The following DOCK3 variants were observed in gnomAD, a reference collection of about 807,000 sequenced individuals.
DOCK3 encodes the protein dedicator of cytokinesis protein 3.
Under a neutral mutation model 265.6 loss-of-function variants are expected in DOCK3, and 60 were observed. The ratio of observed to expected loss-of-function variants is 0.23; its 90% CI spans 0.18 to 0.28. The LOEUF is 0.28. Ranked by LOEUF, DOCK3 falls within the 10% of genes least tolerant of loss-of-function variation. DOCK3 has a pLI of 1.00. For missense variants in DOCK3, 1,981 were observed against 2,594.3 expected (o/e 0.76, Z 5.14); for synonymous variants, 881 against 938.0 (o/e 0.94, Z 1.11).
At chr3:51,032,171 A>C (rs1043737567) in intron 5 of DOCK3, among the ~76,000 whole-genome samples, 2 of 150,728 alleles carry the variant, frequency 1.3e-5, no homozygotes, top group African/African-American at 4.9e-5. Flanking sequence ...AATTCCAAGA[A>C]TCTCTACTTT....
At chr3:51,358,204 G>C in intron 46 of DOCK3, 127 bp downstream of exon 46, 1 of 863,918 alleles carries the variant, frequency 1.2e-6, no homozygotes, top group South Asian at 1.6e-5. Flanking sequence ...GGGGAGAGAG[G>C]CTGTCCTCCC....
At chr3:51,068,397 G>A (rs1055716535) in intron 6 of DOCK3, among the ~76,000 whole-genome samples, 24 of 152,032 alleles carry the variant, frequency 1.6e-4, no homozygotes, top group Admixed American at 1.5e-3. Context: ...AAAATTAGCC[G>A]GGCGTGGTGG....
intron 27 of DOCK3, 107 bp from the exon 28 acceptor site, chr3:51,310,125 T>C: frequency 1.2e-6 from 1 of 822,720 alleles, no homozygotes; most frequent in Middle Eastern, 2.9e-4. Context: ...CAGATCTAAC[T>C]CACTGGTCCC....
chr3:50,681,761 C>G (rs2034431806), intron 1 of DOCK3, among the ~76,000 whole-genome samples: 1 of 152,230 alleles, frequency 6.6e-6, no homozygotes. Flanking sequence ...CATCCTCCTA[C>G]TTTAATATGA....
intron 2 of DOCK3, among the ~76,000 whole-genome samples, chr3:50,798,103 G>A (rs1454180916): frequency 6.6e-6 from 1 of 152,146 alleles, no homozygotes; most frequent in Non-Finnish European, 1.5e-5. Flanking sequence ...ATAGCTGTTA[G>A]GTAGAAAGTA....
chr3:50,990,022 A>G (rs1215415739), intron 5 of DOCK3, among the ~76,000 whole-genome samples: 2 of 152,230 alleles, frequency 1.3e-5, no homozygotes, highest in Middle Eastern at 3.2e-3. Flanking sequence ...ACAAGTATTA[A>G]TAGCAGAATG....
In DOCK3 at chr3:50,970,948, ATGTG is replaced by A. The variant is rs71637577; in HGVS notation, c.315+36887_315+36890del. The stretch of plus-strand genomic sequence containing the variant: ...ATATATATATATATATATATATATA[ATGTG>A]TGTGTGTGTGTGTGTATATATATAT... On this transcript the variant is annotated intron_variant, in intron 5 of 52. Transcript: ENST00000266037. Among the ~76,000 whole-genome samples the A allele has an allele frequency of 7.0e-4, 36 of 51,758 alleles. No homozygotes were observed. The East Asian group carries it at 0.022, about 31-fold the overall frequency. The allele number at this position is 51,758 out of a possible 152,430, so 34.0% of individuals were successfully genotyped here.
At chr3:50,719,524 C>A in intron 1 of DOCK3, 1 of 1,072,172 alleles carries the variant, frequency 9.3e-7, no homozygotes, top group East Asian at 2.4e-5. Context: ...TCTCACTGGT[C>A]TTGCCGTTTC....
At chr3:50,998,142 G>T (rs1369451135) in intron 5 of DOCK3, among the ~76,000 whole-genome samples, 2 of 152,148 alleles carry the variant, frequency 1.3e-5, no homozygotes, top group African/African-American at 4.8e-5. Context: ...CAAAGGAACT[G>T]AAACTTAGGT....
chr3:51,037,864 A>G (rs2080330887), intron 5 of DOCK3, among the ~76,000 whole-genome samples: 1 of 152,218 alleles, frequency 6.6e-6, no homozygotes, highest in African/African-American at 2.4e-5. Context: ...TAGAAAGAGA[A>G]TGCAGCCTAC....
At chr3:51,303,789 C>T (rs2082491598) in intron 27 of DOCK3, among the ~76,000 whole-genome samples, 2 of 152,222 alleles carry the variant, frequency 1.3e-5, no homozygotes, top group Admixed American at 6.5e-5. Flanking sequence ...CTGCTTCTTC[C>T]TCTGAGATCT....
intron 1 of DOCK3, among the ~76,000 whole-genome samples, chr3:50,717,872 A>G (rs1280116598): frequency 6.6e-6 from 1 of 152,058 alleles, no homozygotes; most frequent in African/African-American, 2.4e-5. Flanking sequence ...TGATCCGCCC[A>G]CTTCAGCCTC....
chr3:50,872,033 T>G (rs1184329933), intron 3 of DOCK3, among the ~76,000 whole-genome samples: 1 of 152,256 alleles, frequency 6.6e-6, no homozygotes, highest in Non-Finnish European at 1.5e-5. Context: ...TAGATTTGGT[T>G]CCTGGTGCCT....
chr3:50,824,521 A>G (rs1372241561), intron 2 of DOCK3, among the ~76,000 whole-genome samples: 1 of 152,198 alleles, frequency 6.6e-6, no homozygotes, highest in Non-Finnish European at 1.5e-5. Flanking sequence ...TAAGTCTCTC[A>G]TGGCCTTTGA....
intron 1 of DOCK3, among the ~76,000 whole-genome samples, chr3:50,744,001 A>G (rs2039257575): frequency 1.3e-5 from 2 of 152,188 alleles, no homozygotes; most frequent in South Asian, 4.1e-4. Context: ...TATGTGAAGT[A>G]GTATTTTGTG....
At chr3:50,863,767 T>A (rs896234008) in intron 3 of DOCK3, among the ~76,000 whole-genome samples, 1 of 152,234 alleles carries the variant, frequency 6.6e-6, no homozygotes. Flanking sequence ...CGGTTCCATT[T>A]ATGTTGCTGC....
intron 2 of DOCK3, among the ~76,000 whole-genome samples, chr3:50,825,134 T>C (rs1310170051): frequency 6.6e-6 from 1 of 152,226 alleles, no homozygotes; most frequent in Non-Finnish European, 1.5e-5. Context: ...AAAAATTTGC[T>C]ACCACGTTGA....
intron 49 of DOCK3, among the ~76,000 whole-genome samples, chr3:51,372,813 T>C (rs1206296115): frequency 1.3e-5 from 2 of 152,220 alleles, no homozygotes; most frequent in Admixed American, 6.5e-5. Flanking sequence ...GAAAGCACTA[T>C]ATTGGTCAGT....
chr3:50,987,646 C>T (rs1219728445), intron 5 of DOCK3, among the ~76,000 whole-genome samples: 1 of 152,112 alleles, frequency 6.6e-6, no homozygotes, highest in Non-Finnish European at 1.5e-5. Flanking sequence ...CTGAAACATC[C>T]AGGTACTCAC....
Sources: allele counts gnomAD v4.1 joint callset (sites outside exome capture counted in the v4.1 genomes callset), GRCh38; gene constraint gnomAD v4.1.1; transcripts MANE v1.5; gene names NCBI Gene and HGNC (gene_info 2026-07-23, HGNC 2026-07-21).